GAA: variants seen among roughly 807,000 people sequenced by gnomAD.
GAA encodes lysosomal alpha-glucosidase.
Under a neutral mutation model 103.9 loss-of-function variants are expected in GAA, and 88 were observed. That is an observed-to-expected ratio of 0.85 (90% CI 0.71 to 1.01). The LOEUF is 1.01. GAA is among the 50% of genes least tolerant of loss of function. GAA has a pLI of 0.00. For missense variants in GAA, 1,350 were observed against 1,305.3 expected (o/e 1.03, Z -0.53); for synonymous variants, 572 against 563.1 (o/e 1.02, Z -0.22).
intron 10 of GAA, 34 bp from the exon 11 acceptor site, chr17:80,110,907 G>A (rs767593652): frequency 5.0e-6 from 8 of 1,613,512 alleles, no homozygotes; most frequent in Non-Finnish European, 3.4e-6. Context: ...CTCACTCTGG[G>A]CAGAGTCACC....
At chr17:80,114,467 A>G (rs1567837433) in intron 15 of GAA, among the ~76,000 whole-genome samples, 1 of 149,124 alleles carries the variant, frequency 6.7e-6, no homozygotes, top group Non-Finnish European at 1.5e-5. Flanking sequence ...TACAATTAAC[A>G]TCTTAATTTT....
intron 2 of GAA, 55 bp downstream of exon 2, chr17:80,105,187 C>G: frequency 3.3e-6 from 5 of 1,498,998 alleles, no homozygotes; most frequent in Non-Finnish European, 4.5e-6. Flanking sequence ...GCGTGGACAT[C>G]GACACCCACG....
In GAA at chr17:80,104,852, G is replaced by A. The variant is rs200586324; in HGVS notation, c.266G>A (p.Arg89His). Residue 89 changes from arginine (R) to histidine (H), a missense_variant, in exon 2 of 20, where the codon CGC (arginine) becomes CAC (histidine). Arg to His is a conservative substitution (Grantham distance 29, BLOSUM62 0). Transcript: ENST00000302262. The surrounding 1 kb of genome is among the most constrained non-coding windows in gnomAD (Gnocchi z 4.0). ...PTQCDVPPNS[R>H]FDCAPDKAIT... is the part of the protein sequence containing the mutation. ...CAGTGCGACGTCCCCCCCAACAGCCGCTTCGATTGCGCCCCTGACAAGGCC... is the reference window on the plus strand; with the variant it reads ...CAGTGCGACGTCCCCCCCAACAGCCACTTCGATTGCGCCCCTGACAAGGCC... The A allele has an allele frequency of 1.0e-4, 163 of 1,612,732 alleles. 1 individual carries two copies. The Middle Eastern group carries it at 1.3e-3, about 13-fold the overall frequency.
Position 80,112,669 on chromosome 17 carries a change from G to A in GAA, c.1846G>A (p.Asp616Asn), listed in dbSNP as rs796161389. 6.2e-7 allele frequency: 1 copy of A among 1,612,030 alleles called. No individual in the cohort carries two copies. Among genetic ancestry groups the A allele is most frequent in the Non-Finnish European group, 8.5e-7 (1 of 1,179,640 alleles). The change falls in exon 13 of 20, where the codon GAC becomes AAC. Residue 616 changes from aspartate to asparagine, a missense_variant. Asp to Asn is a conservative substitution (Grantham distance 23). Coordinates refer to ENST00000302262, the MANE Select transcript of GAA (RefSeq NM_000152.5). ...HGRYAGHWTG[D>N]VWSSWEQLAS... ...CCGATACGCCGGCCACTGGACGGGG[G>A]ACGTGTGGAGCTCCTGGGAGCAGCT...
In GAA at chr17:80,101,780, C is replaced by T. The variant is rs2038956927; in HGVS notation, c.-143C>T. 6.6e-6 allele frequency: 1 copy of T among 152,234 alleles called. No individual in the cohort carries two copies. 9.4% of individuals were successfully genotyped at this position (152,234 alleles called of 1,614,324 possible). A position where few individuals can be genotyped will look rare whatever the true frequency, so the allele number is the denominator to read the frequency against. On this transcript the variant is annotated 5_prime_UTR_variant, in exon 1 of 20. Coordinates refer to ENST00000302262, the MANE Select transcript of GAA (RefSeq NM_000152.5). ...GAGGCAGCAGGTAGGACAGTGACCTCGGTGACGCGAAGGACCCCGGCCACC... is the reference window on the plus strand; with the variant it reads ...GAGGCAGCAGGTAGGACAGTGACCTTGGTGACGCGAAGGACCCCGGCCACC...
At chr17:80,107,954 G>A in intron 5 of GAA, 58 bp downstream of exon 5, 1 of 1,494,808 alleles carries the variant, frequency 6.7e-7, no homozygotes, top group African/African-American at 1.4e-5. Context: ...GCCTGCCCTG[G>A]AGACTGGAGG....
intron 3 of GAA, among the ~76,000 whole-genome samples, chr17:80,106,932 C>T (rs1480376222): frequency 6.6e-6 from 1 of 152,170 alleles, no homozygotes; most frequent in Non-Finnish European, 1.5e-5. Flanking sequence ...AAACAACAAA[C>T]AGGCATCTTA....
In GAA at chr17:80,107,815, T is replaced by C; in HGVS notation, c.874T>C (p.Tyr292His). 1 of 1,611,918 alleles carries C rather than the reference T, an allele frequency of 6.2e-7. No homozygotes were observed. The highest frequency in any genetic ancestry group is 1.3e-5 in the African/African-American group (1 of 75,022). The change falls in exon 5 of 20, where the codon TAC becomes CAC. Residue 292 changes from tyrosine (Y) to histidine (H), a missense_variant. Physicochemically the swap from Tyr to His is moderately conservative, Grantham distance 83 (BLOSUM62 2). Transcript: ENST00000302262. The part of the protein sequence containing the change: ...DLAPTPGANL[Y>H]GSHPFYLALE... ...CATGTCCCAGCCCGGTGCGAACCTC[T>C]ACGGGTCTCACCCTTTCTACCTGGC...
At chr17:80,118,146 C>G in intron 17 of GAA, 47 bp from the exon 18 acceptor site, 1 of 1,604,844 alleles carries the variant, frequency 6.2e-7, no homozygotes. Flanking sequence ...AGGCCTCCAC[C>G]TCCACCAGGG....
intron 15 of GAA, among the ~76,000 whole-genome samples, chr17:80,113,887 G>A (rs1237659069): frequency 6.6e-6 from 1 of 151,034 alleles, no homozygotes; most frequent in Non-Finnish European, 1.5e-5. Flanking sequence ...GCATGGTGGT[G>A]GGCGCCTGTA....
At position 80,104,242 on chromosome 17, in the gene GAA, C is replaced by T. The variant is rs934183854; in HGVS notation, c.-32-313C>T. ...TCTCACCACAGCACTCTGGCCCAGG[C>T]GACAGCTGTTTGGCCTGTTTCAAGT... On this transcript the variant is annotated intron_variant, in intron 1 of 19. Transcript: ENST00000302262. This position sits in a 1 kb window ranked among gnomAD's most constrained non-coding sequence, Gnocchi z 4.0. 1.3e-5 allele frequency among the ~76,000 whole-genome samples: 2 copies of T among 152,172 alleles called. No homozygotes were observed. The highest frequency in any genetic ancestry group is 2.9e-5 in the Non-Finnish European group (2 of 68,034).
Position 80,105,829 on chromosome 17 carries a change from C to G in GAA, c.627C>G (p.Tyr209Ter). The G allele has an allele frequency of 6.2e-7, 1 of 1,610,158 alleles. No individual in the cohort carries two copies. Among genetic ancestry groups the G allele is most frequent in the African/African-American group, 1.3e-5 (1 of 75,072 alleles). ...HVHSRAPSPL[Y>*]SVEFSEEPFG... ...ACAGCCGGGCACCGTCCCCACTCTA[C>G]AGCGTGGAGTTCTCCGAGGAGCCCT... The change falls in exon 3 of 20, where the codon TAC (tyrosine) becomes TAG (stop). Residue 209 changes from tyrosine (Y) to a stop codon, truncating the protein, a stop_gained. Transcript: ENST00000302262. LOFTEE classifies it high-confidence loss of function.
rs138034915 is a variant in GAA, at chr17:80,104,954, G to A, written c.368G>A (p.Gly123Glu). The change falls in exon 2 of 20, where the codon GGG (glycine) becomes GAG (glutamate). Residue 123 changes from glycine to glutamate, a missense_variant. Transcript: ENST00000302262. The surrounding 1 kb of genome is among the most constrained non-coding windows in gnomAD (Gnocchi z 4.0). ...CAGGGGCTGCAGGGAGCCCAGATGG[G>A]GCAGCCCTGGTGCTTCTTCCCACCC... is the stretch of plus-strand genomic sequence containing the variant. Reference protein sequence around the residue: ...AKQGLQGAQMGQPWCFFPPSY... With the variant: ...AKQGLQGAQMEQPWCFFPPSY... 4.5e-4 allele frequency: 723 copies of A among 1,612,446 alleles called. 11 individuals are homozygous for A. In the South Asian group the frequency reaches 6.8e-3, roughly 15 times the overall value.
At position 80,112,619 on chromosome 17, in the gene GAA, C is replaced by A. The variant is rs753505203; in HGVS notation, c.1796C>A (p.Ser599Tyr). ...CGGGGGACACGCCCATTTGTGATCT[C>A]CCGCTCGACCTTTGCTGGCCACGGC... ...KARGTRPFVI[S>Y]RSTFAGHGRY... The change falls in exon 13 of 20, where the codon TCC (serine) becomes TAC (tyrosine). Residue 599 changes from serine to tyrosine, a missense_variant. Physicochemically the swap from Ser to Tyr is moderately radical, Grantham distance 144 (BLOSUM62 -2). Coordinates refer to ENST00000302262, the MANE Select transcript of GAA (RefSeq NM_000152.5). The A allele has an allele frequency of 4.3e-6, 7 of 1,612,984 alleles. No individual in the cohort carries two copies. Among genetic ancestry groups the A allele is most frequent in the Non-Finnish European group, 5.9e-6 (7 of 1,179,950 alleles).
intron 16 of GAA, 44 bp downstream of exon 16, chr17:80,117,153 G>A (rs1185125462): frequency 6.2e-7 from 1 of 1,600,136 alleles, no homozygotes. Context: ...GGAGACCAGA[G>A]CAGCCCTCCC....
intron 12 of GAA, 175 bp from the exon 13 acceptor site, chr17:80,112,403 G>C: frequency 1.3e-6 from 1 of 796,334 alleles, no homozygotes; most frequent in Non-Finnish European, 2.0e-6. Context: ...CAGGCATCAG[G>C]TGGCCCAGAC....
intron 3 of GAA, 133 bp from the exon 4 acceptor site, chr17:80,107,424 G>A (rs1357272322): frequency 2.6e-6 from 3 of 1,163,292 alleles, no homozygotes; most frequent in Admixed American, 1.7e-5. Context: ...CTGTCCCAGG[G>A]TCAGTGTGCT....
chr17:80,103,482 C>G (rs879737009), intron 1 of GAA, among the ~76,000 whole-genome samples: 4 of 152,170 alleles, frequency 2.6e-5, no homozygotes, highest in Non-Finnish European at 5.9e-5. Context: ...CTATTGAAAT[C>G]CATGCATATT....
At chr17:80,118,992 C>T (rs905193473) in intron 19 of GAA, among the ~76,000 whole-genome samples, 187 bp downstream of exon 19, 5 of 152,202 alleles carry the variant, frequency 3.3e-5, no homozygotes, top group African/African-American at 9.7e-5. Context: ...TGTGTCTACA[C>T]GTGGGTGATG....
Sources: gnomAD v4.1 joint callset for allele counts (sites outside exome capture counted in the v4.1 genomes callset) on GRCh38, gnomAD v4.1.1 for gene constraint, Gnocchi (gnomAD v3.1) non-coding constraint, MANE v1.5 for transcripts, NCBI Gene and HGNC (gene_info 2026-07-23, HGNC 2026-07-21) for gene names.